Variants in AQR observed in about 807,000 individuals in gnomAD.
AQR encodes the protein RNA helicase aquarius.
In AQR, 61 loss-of-function variants were observed where a neutral mutation model predicts 180.5. The ratio of observed to expected loss-of-function variants is 0.34; its 90% CI spans 0.28 to 0.42. The LOEUF (loss-of-function observed/expected upper bound fraction) is 0.42. Ranked by LOEUF, AQR falls within the 10% of genes least tolerant of loss-of-function variation. The pLI is 1.00. For missense variants in AQR, 1,281 were observed against 1,798.3 expected (o/e 0.71, Z 5.20); for synonymous variants, 551 against 588.8 (o/e 0.94, Z 0.93).
At chr15:34,859,032 G>A (rs1892631734) in intron 34 of AQR, among the ~76,000 whole-genome samples, 2 of 152,088 alleles carry the variant, frequency 1.3e-5, no homozygotes, top group African/African-American at 2.4e-5. Flanking sequence ...GACATAAAAA[G>A]CATGAATCAT....
chr15:34,956,568 C>A (rs1278744126), intron 3 of AQR, among the ~76,000 whole-genome samples: 2 of 152,002 alleles, frequency 1.3e-5, no homozygotes, highest in East Asian at 3.9e-4. Flanking sequence ...AGGAGAATCG[C>A]TGGAACCCAG....
At chr15:34,885,405 A>G (rs1292337347) in intron 25 of AQR, among the ~76,000 whole-genome samples, 1 of 152,182 alleles carries the variant, frequency 6.6e-6, no homozygotes, top group East Asian at 1.9e-4. Flanking sequence ...TCCTTATGCA[A>G]AATATCTGAG....
intron 20 of AQR, among the ~76,000 whole-genome samples, chr15:34,900,178 C>T (rs7168306): frequency 0.44 from 66,961 of 152,082 alleles, 17,804 homozygotes; most frequent in Non-Finnish European, 0.6. Flanking sequence ...TATGCATGAG[C>T]CATCATACCC....
intron 26 of AQR, among the ~76,000 whole-genome samples, chr15:34,884,044 T>A (rs2140468042): frequency 6.6e-6 from 1 of 152,278 alleles, no homozygotes; most frequent in South Asian, 2.1e-4. Context: ...TACTAAGACC[T>A]TTACATCAGG....
intron 33 of AQR, among the ~76,000 whole-genome samples, chr15:34,862,560 TTTTA>T (rs1892684073): frequency 6.6e-6 from 1 of 152,090 alleles, no homozygotes; most frequent in African/African-American, 2.4e-5. Context: ...TATTTTTAAT[TTTTA>T]TTTATTTATT....
rs1222683107 is a variant in AQR, at chr15:34,949,534, G to A, written c.210-1150C>T. 4.1e-5 allele frequency among the ~76,000 whole-genome samples: 6 copies of A among 147,510 alleles called. No homozygotes were observed. The East Asian group carries it at 6.2e-4, about 15-fold the overall frequency. On this transcript the variant is annotated intron_variant, in intron 4 of 34. Transcript: ENST00000156471. Reference sequence around the variant, plus strand: ...TGAGGCAGGAGAATCACTTGAACCCGGGAGGCGGAGATTGCAGTGAGCCAA... The same window carrying A: ...TGAGGCAGGAGAATCACTTGAACCCAGGAGGCGGAGATTGCAGTGAGCCAA...
At chr15:34,961,542 G>A (rs537624486) in intron 2 of AQR, among the ~76,000 whole-genome samples, 57 of 150,032 alleles carry the variant, frequency 3.8e-4, no homozygotes, top group Non-Finnish European at 6.9e-4. Context: ...CCCGGGAGGC[G>A]GAGGTTGCAG....
chr15:34,890,060 C>T (rs1162302079), intron 24 of AQR, among the ~76,000 whole-genome samples, 155 bp downstream of exon 24: 1 of 152,144 alleles, frequency 6.6e-6, no homozygotes, highest in African/African-American at 2.4e-5. Flanking sequence ...GACATCATGA[C>T]CATATTTCTA....
intron 34 of AQR, among the ~76,000 whole-genome samples, chr15:34,858,087 G>A (rs898260004): frequency 7.9e-5 from 12 of 151,812 alleles, no homozygotes; most frequent in Non-Finnish European, 1.0e-4. Flanking sequence ...AGGTTCAAGC[G>A]ATTCTCCTGC....
At chr15:34,898,174 G>A (rs764297329) in intron 20 of AQR, among the ~76,000 whole-genome samples, 3 of 152,166 alleles carry the variant, frequency 2.0e-5, no homozygotes, top group Non-Finnish European at 2.9e-5. Flanking sequence ...TAAGGCTGAA[G>A]AGACAGAAGC....
intron 19 of AQR, among the ~76,000 whole-genome samples, chr15:34,902,422 T>A (rs1893344978): frequency 6.6e-6 from 1 of 152,118 alleles, no homozygotes; most frequent in South Asian, 2.1e-4. Flanking sequence ...AAAAGAGCAT[T>A]CTTTTTTTCC....
In AQR at chr15:34,942,088, G is replaced by A; in HGVS notation, c.472-8C>T. On this transcript the variant is annotated splice_polypyrimidine_tract_variant and splice_region_variant and intron_variant, in intron 6 of 34. Coordinates refer to ENST00000156471, the MANE Select transcript of AQR (RefSeq NM_014691.3). ...TCGTATCAAGTCTACTTCCTGTTTA[G>A]GGCATGAAGAAAATAAGTTTATAAA... is the stretch of plus-strand genomic sequence containing the variant. 6.2e-7 allele frequency: 1 copy of A among 1,607,320 alleles called. No individual in the cohort carries two copies. The highest frequency in any genetic ancestry group is 1.1e-5 in the South Asian group (1 of 90,350).
intron 24 of AQR, among the ~76,000 whole-genome samples, chr15:34,889,637 T>C (rs182179252): frequency 7.9e-5 from 12 of 152,304 alleles, no homozygotes; most frequent in African/African-American, 2.6e-4. Flanking sequence ...GTTATACTTA[T>C]AACCCCAAAG....
intron 27 of AQR, among the ~76,000 whole-genome samples, chr15:34,877,948 C>T (rs1595783910): frequency 1.3e-5 from 2 of 152,240 alleles, no homozygotes; most frequent in Admixed American, 6.5e-5. Flanking sequence ...ATTATAGCTG[C>T]TAGGATAGGG....
intron 31 of AQR, 154 bp from the exon 32 acceptor site, chr15:34,867,763 A>G (rs1892757198): frequency 1.7e-6 from 1 of 599,804 alleles, no homozygotes; most frequent in South Asian, 2.0e-5. Flanking sequence ...AAGTTAATGA[A>G]CATTATTAAA....
At chr15:34,859,929 G>C (rs767795345) in intron 34 of AQR, 113 bp downstream of exon 34, 5 of 448,154 alleles carry the variant, frequency 1.1e-5, no homozygotes, top group Non-Finnish European at 1.9e-5. Context: ...ATAATAGCCT[G>C]CTTTAGTTTA....
At chr15:34,862,115 G>A (rs1426010793) in intron 33 of AQR, among the ~76,000 whole-genome samples, 6 of 152,146 alleles carry the variant, frequency 3.9e-5, no homozygotes, top group Admixed American at 3.9e-4. Flanking sequence ...AGGAAAAGGG[G>A]AGAAAGAAGG....
intron 12 of AQR, among the ~76,000 whole-genome samples, chr15:34,928,396 T>C (rs1893797471): frequency 6.6e-6 from 1 of 152,120 alleles, no homozygotes; most frequent in Non-Finnish European, 1.5e-5. Flanking sequence ...CTTCTCTGTG[T>C]CCATGTGTTC....
In AQR at chr15:34,884,270, G is replaced by A. The variant is rs1241201293; in HGVS notation, c.3027+255C>T. ...AAAAATACAAAAATTAGCTGGGCAT[G>A]GTGGTGTGCACCTGTAATCCCAGCT... On this transcript the variant is annotated intron_variant, in intron 26 of 34. Coordinates refer to ENST00000156471, the MANE Select transcript of AQR (RefSeq NM_014691.3). 2.0e-5 allele frequency among the ~76,000 whole-genome samples: 3 copies of A among 151,928 alleles called. No homozygotes were observed. In the East Asian group the frequency reaches 5.8e-4, roughly 29 times the overall value.
Sources: gnomAD v4.1 joint callset for allele counts (sites outside exome capture counted in the v4.1 genomes callset) on GRCh38, gnomAD v4.1.1 for gene constraint, MANE v1.5 for transcripts, NCBI Gene and HGNC (gene_info 2026-07-23, HGNC 2026-07-21) for gene names.